The following UNC13C variants were observed in gnomAD, a reference collection of about 807,000 sequenced individuals.
The protein encoded by UNC13C is protein unc-13 homolog C.
Under a neutral mutation model 245.4 loss-of-function variants are expected in UNC13C, and 174 were observed. That is an observed-to-expected ratio of 0.71 (90% CI 0.63 to 0.80). UNC13C has a LOEUF of 0.80. Among genes scored for constraint, UNC13C ranks in the 30% least tolerant of loss-of-function variants. The pLI is 0.00. For synonymous variants in UNC13C, 992 were observed against 895.1 expected, an observed-to-expected ratio of 1.11 and a Z score of -1.93; for missense variants, 2,829 against 2,602.9, an observed-to-expected ratio of 1.09 and a Z score of -1.89.
At chr15:54,127,727 A>ATATATATTTCATAT (rs2031145438) in intron 2 of UNC13C, among the ~76,000 whole-genome samples, 3 of 137,164 alleles carry the variant, frequency 2.2e-5, no homozygotes, top group African/African-American at 8.2e-5. Context: ...ATATATATAA[A>ATATATATTTCATAT]ATATATATTA....
At chr15:54,255,812 C>G (rs1162501044) in intron 8 of UNC13C, among the ~76,000 whole-genome samples, 1 of 152,158 alleles carries the variant, frequency 6.6e-6, no homozygotes, top group African/African-American at 2.4e-5. Context: ...GACCCCCTTC[C>G]ATATCGCTAC....
intron 20 of UNC13C, among the ~76,000 whole-genome samples, chr15:54,497,105 T>C (rs1230577449): frequency 6.6e-6 from 1 of 152,134 alleles, no homozygotes; most frequent in Admixed American, 6.6e-5. Flanking sequence ...GCCAGATGCT[T>C]CTGCTTCTGG....
At position 54,014,244 on chromosome 15, in the gene UNC13C, G is replaced by A. The variant is rs759357424; in HGVS notation, c.1341G>A (p.Gln447=). Residue 447 remains glutamine (Q), a synonymous_variant, in exon 2 of 33, where the codon CAG becomes CAA. Transcript: ENST00000260323. ...PEPKIKKNNW[Q]SPDDSDEDLE... is the part of the protein sequence containing the mutation. ...CAAAAATCAAGAAGAACAATTGGCA[G>A]TCACCTGATGACAGTGATGAAGATC... The A allele has an allele frequency of 1.9e-6, 3 of 1,613,908 alleles. No homozygotes were observed. The highest frequency in any genetic ancestry group is 1.1e-5 in the South Asian group (1 of 91,080).
At chr15:54,203,841 CAT>C (rs2034617617) in intron 4 of UNC13C, among the ~76,000 whole-genome samples, 1 of 141,946 alleles carries the variant, frequency 7.0e-6, no homozygotes, top group African/African-American at 2.6e-5. Context: ...TATACACATA[CAT>C]ATACACGTAT....
the UNC13C span, among the ~76,000 whole-genome samples, chr15:53,848,116 AGTCT>A: frequency 6.6e-6 from 1 of 151,918 alleles, no homozygotes; most frequent in Admixed American, 6.6e-5. Flanking sequence ...CTTATTGATC[AGTCT>A]AACTAGTGGT....
intron 10 of UNC13C, among the ~76,000 whole-genome samples, chr15:54,280,701 TAC>T (rs2036962426): frequency 3.5e-5 from 2 of 57,106 alleles, no homozygotes; most frequent in African/African-American, 3.1e-4. Flanking sequence ...AACATATGTA[TAC>T]ATACATATAT....
At chr15:53,897,155 T>C in the UNC13C span, among the ~76,000 whole-genome samples, 1 of 152,228 alleles carries the variant, frequency 6.6e-6, no homozygotes, top group African/African-American at 2.4e-5. Context: ...CACTAGAATG[T>C]AAGTTCTATG....
Position 54,014,798 on chromosome 15 carries a change from G to T in UNC13C, c.1895G>T (p.Gly632Val), listed in dbSNP as rs1895565125. Reference protein sequence around the residue: ...TETVDSGMSNGMVCASGDRSH... With the variant: ...TETVDSGMSNVMVCASGDRSH... ...ACTGTGGATAGTGGAATGAGTAATG[G>T]CATGGTGTGTGCATCTGGAGACCGG... The change falls in exon 2 of 33, where the codon GGC (glycine) becomes GTC (valine). Residue 632 changes from glycine (G) to valine (V), a missense_variant. Transcript: ENST00000260323. 1 of 1,613,868 alleles carries T rather than the reference G, an allele frequency of 6.2e-7. No homozygotes were observed. The highest frequency in any genetic ancestry group is 1.3e-5 in the African/African-American group (1 of 75,016).
At chr15:53,983,748 A>G (rs2711587) in intron 1 of UNC13C, among the ~76,000 whole-genome samples, 149,950 of 151,902 alleles carry the variant, frequency 0.99, 74,038 homozygotes, top group Middle Eastern at 1. Context: ...TTTCTTCAGT[A>G]GCCTCTGTTA....
At chr15:54,276,764 A>G (rs1334857592) in intron 10 of UNC13C, among the ~76,000 whole-genome samples, 2 of 151,878 alleles carry the variant, frequency 1.3e-5, no homozygotes, top group African/African-American at 4.8e-5. Flanking sequence ...TGCCTTTAAC[A>G]TTTTTCCCCA....
chr15:54,365,036 T>C (rs917835378), intron 17 of UNC13C, among the ~76,000 whole-genome samples: 5 of 152,132 alleles, frequency 3.3e-5, no homozygotes, highest in African/African-American at 1.2e-4. Context: ...CAACTGCCAT[T>C]CCAATTTTGA....
At position 54,013,554 on chromosome 15, in the gene UNC13C, T is replaced by C. The variant is rs758866213; in HGVS notation, c.651T>C (p.Thr217=). Residue 217 remains threonine, a synonymous_variant, in exon 2 of 33, where the codon ACT becomes ACC. Transcript: ENST00000260323. ...TAAGAAGTAAGTCTTTGGACAGAAC[T>C]GTCCGAAACCCAAAGACAAATGCCC... ...WGIRSKSLDR[T]VRNPKTNALE... 1.2e-6 allele frequency: 2 copies of C among 1,613,896 alleles called. No homozygotes were observed. Among genetic ancestry groups the C allele is most frequent in the South Asian group, 1.1e-5 (1 of 91,082 alleles).
At chr15:53,896,311 A>C in the UNC13C span, among the ~76,000 whole-genome samples, 1 of 152,320 alleles carries the variant, frequency 6.6e-6, no homozygotes, top group East Asian at 1.9e-4. Context: ...GTAAGGCAAG[A>C]TCTAATAATG....
At chr15:54,502,112 G>T (rs1894244253) in intron 22 of UNC13C, among the ~76,000 whole-genome samples, 1 of 152,250 alleles carries the variant, frequency 6.6e-6, no homozygotes, top group Admixed American at 6.5e-5. Flanking sequence ...CTGATTCCAT[G>T]GATTGAATGA....
intron 1 of UNC13C, among the ~76,000 whole-genome samples, chr15:53,988,316 C>G (rs573455387): frequency 7.2e-5 from 11 of 151,952 alleles, no homozygotes; most frequent in Admixed American, 5.9e-4. Context: ...ACATAATTTT[C>G]TTGATATTTG....
At chr15:53,884,619 G>A in the UNC13C span, among the ~76,000 whole-genome samples, 1 of 152,142 alleles carries the variant, frequency 6.6e-6, no homozygotes, top group Admixed American at 6.5e-5. Context: ...ACAGGTATGA[G>A]TCATCGCACC....
In UNC13C at chr15:54,237,600, A is replaced by G; in HGVS notation, c.3157-19A>G. The stretch of plus-strand genomic sequence containing the variant: ...CAACCTCCCTATGTATTAATAAGTC[A>G]TAATTCTGTTTGTTTTAGACCCTGG... On this transcript the variant is annotated intron_variant, in intron 6 of 32. Coordinates refer to ENST00000260323, the MANE Select transcript of UNC13C (RefSeq NM_001080534.3). 1.9e-6 allele frequency: 3 copies of G among 1,602,436 alleles called. No homozygotes were observed. The highest frequency in any genetic ancestry group is 2.6e-6 in the Non-Finnish European group (3 of 1,172,608).
At chr15:54,106,039 T>C (rs2141165301) in intron 2 of UNC13C, among the ~76,000 whole-genome samples, 1 of 152,324 alleles carries the variant, frequency 6.6e-6, no homozygotes, top group South Asian at 2.1e-4. Context: ...GTGACTCCAA[T>C]GAGTGCTGGA....
intron 4 of UNC13C, among the ~76,000 whole-genome samples, chr15:54,192,839 A>G (rs778662546): frequency 2.2e-4 from 33 of 152,006 alleles, no homozygotes; most frequent in Admixed American, 5.9e-4. Flanking sequence ...GTTTTTATCT[A>G]AGACAAGTTT....
Sources: allele counts gnomAD v4.1 joint callset (sites outside exome capture counted in the v4.1 genomes callset), GRCh38; gene constraint gnomAD v4.1.1; transcripts MANE v1.5; gene names NCBI Gene and HGNC (gene_info 2026-07-23, HGNC 2026-07-21).